KCNAB1: variants seen among roughly 807,000 people sequenced by gnomAD.
KCNAB1 encodes voltage-gated potassium channel subunit beta-1.
In KCNAB1, 35 loss-of-function variants were observed where a neutral mutation model predicts 64.6. The ratio of observed to expected loss-of-function variants is 0.54; its 90% confidence interval spans 0.41 to 0.72. The LOEUF (loss-of-function observed/expected upper bound fraction) is 0.72, where lower values mean the gene tolerates loss of function less well. Ranked by LOEUF, KCNAB1 falls within the 30% of genes least tolerant of loss-of-function variation. The probability of loss-of-function intolerance (pLI) is 0.00; values close to 1 mark genes in which losing one functional copy is unlikely to be tolerated. For synonymous variants in KCNAB1, 177 were observed against 183.8 expected (o/e 0.96, Z 0.30); for missense variants, 401 against 512.9 (o/e 0.78, Z 2.11).
intron 1 of KCNAB1, among the ~76,000 whole-genome samples, chr3:156,310,928 G>GCTC (rs1721857388): frequency 1.3e-5 from 2 of 152,214 alleles, no homozygotes; most frequent in South Asian, 4.1e-4. Context: ...AGCAATTAGG[G>GCTC]CCCAGATGTG....
intron 2 of KCNAB1, among the ~76,000 whole-genome samples, chr3:156,429,880 A>G (rs1048862116): frequency 4.3e-4 from 66 of 152,210 alleles, no homozygotes; most frequent in African/African-American, 1.6e-3. Flanking sequence ...ACTCCGAAAT[A>G]CCCATAGAGT....
At chr3:156,327,418 AT>A (rs1160965018) in intron 1 of KCNAB1, among the ~76,000 whole-genome samples, 2 of 152,126 alleles carry the variant, frequency 1.3e-5, no homozygotes. Context: ...ATTAATTTCT[AT>A]ATGCTAATAT....
intron 1 of KCNAB1, among the ~76,000 whole-genome samples, chr3:156,376,644 T>TA (rs1711696931): frequency 6.6e-6 from 1 of 151,648 alleles, no homozygotes; most frequent in Admixed American, 6.6e-5. Flanking sequence ...GAAAGAAGGG[T>TA]AAAAAAGAGG....
At chr3:156,505,240 A>G (rs1044523230) in intron 8 of KCNAB1, among the ~76,000 whole-genome samples, 12 of 152,114 alleles carry the variant, frequency 7.9e-5, no homozygotes, top group Admixed American at 7.2e-4. Context: ...ATTTATTTCT[A>G]GTCTATTCCA....
At chr3:156,356,051 G>A (rs916064860) in intron 1 of KCNAB1, among the ~76,000 whole-genome samples, 1 of 151,138 alleles carries the variant, frequency 6.6e-6, no homozygotes, top group Non-Finnish European at 1.5e-5. Context: ...TAGCCTGGGA[G>A]GTCGAGGCTA....
At chr3:156,256,296 T>C (rs1325551968) in intron 1 of KCNAB1, among the ~76,000 whole-genome samples, 3 of 152,242 alleles carry the variant, frequency 2.0e-5, no homozygotes, top group African/African-American at 7.2e-5. Flanking sequence ...TCAAACACAA[T>C]GTTGTTCCAC....
At chr3:156,389,102 G>A (rs1032508314) in intron 1 of KCNAB1, among the ~76,000 whole-genome samples, 2 of 152,092 alleles carry the variant, frequency 1.3e-5, no homozygotes, top group African/African-American at 2.4e-5. Context: ...CAAAGTAGTG[G>A]GGTCCGGTGG....
chr3:156,303,880 T>C (rs1721316802), intron 1 of KCNAB1, among the ~76,000 whole-genome samples: 1 of 152,238 alleles, frequency 6.6e-6, no homozygotes, highest in African/African-American at 2.4e-5. Context: ...AAATGTTGGT[T>C]CATGTTGACA....
intron 2 of KCNAB1, among the ~76,000 whole-genome samples, chr3:156,442,288 G>T (rs954180453): frequency 1.1e-4 from 17 of 152,288 alleles, no homozygotes; most frequent in African/African-American, 4.1e-4. Flanking sequence ...ACAGCCTCTA[G>T]AGAGCAATGT....
chr3:156,329,473 C>T (rs548001486), intron 1 of KCNAB1, among the ~76,000 whole-genome samples: 2 of 152,076 alleles, frequency 1.3e-5, no homozygotes, highest in Admixed American at 6.6e-5. Flanking sequence ...CGGGAGAGAA[C>T]CCCCCAACAG....
chr3:156,265,855 G>A (rs1475572856), intron 1 of KCNAB1, among the ~76,000 whole-genome samples: 7 of 152,112 alleles, frequency 4.6e-5, no homozygotes, highest in Non-Finnish European at 8.8e-5. Context: ...AGCTGGGTGT[G>A]GTAGCTCATG....
intron 1 of KCNAB1, among the ~76,000 whole-genome samples, chr3:156,321,194 CA>C (rs1436282380): frequency 6.6e-6 from 1 of 152,100 alleles, no homozygotes; most frequent in Non-Finnish European, 1.5e-5. Flanking sequence ...TTCTTTAGAG[CA>C]AATGTTTCTG....
intron 1 of KCNAB1, among the ~76,000 whole-genome samples, chr3:156,253,997 G>A (rs1003991575): frequency 2.0e-5 from 3 of 152,182 alleles, no homozygotes; most frequent in South Asian, 2.1e-4. Context: ...AGAGACAGAA[G>A]ACAGGTATGT....
At chr3:156,408,029 G>A (rs1714369880) in intron 1 of KCNAB1, among the ~76,000 whole-genome samples, 1 of 152,138 alleles carries the variant, frequency 6.6e-6, no homozygotes, top group Admixed American at 6.5e-5. Context: ...ATCACAGAGA[G>A]ATTGTGGAAG....
chr3:156,529,491 T>TA (rs11445692), intron 12 of KCNAB1, among the ~76,000 whole-genome samples: 67,807 of 145,918 alleles, frequency 0.46, 16,030 homozygotes, highest in East Asian at 0.62. Flanking sequence ...TAAAGTTGGT[T>TA]AAAAAAAAAA....
chr3:156,276,979 G>T (rs754028023), intron 1 of KCNAB1, among the ~76,000 whole-genome samples: 1 of 152,054 alleles, frequency 6.6e-6, no homozygotes, highest in Non-Finnish European at 1.5e-5. Flanking sequence ...GCCTGTCTAG[G>T]CTTTTGACAT....
At chr3:156,194,736 C>A (rs1713785046) in intron 1 of KCNAB1, among the ~76,000 whole-genome samples, 1 of 152,078 alleles carries the variant, frequency 6.6e-6, no homozygotes, top group African/African-American at 2.4e-5. Flanking sequence ...TATCCAACAC[C>A]TCGCTTATGC....
At chr3:156,236,201 C>A (rs1716839899) in intron 1 of KCNAB1, among the ~76,000 whole-genome samples, 1 of 152,290 alleles carries the variant, frequency 6.6e-6, no homozygotes, top group African/African-American at 2.4e-5. Flanking sequence ...GAAAAAGATT[C>A]TTTGTGCTGG....
rs565242618 is a variant in KCNAB1 at position 156,377,679 on chromosome 3, G to T, written c.276-43937G>T. Among the ~76,000 whole-genome samples, 5 of 152,248 alleles carry T rather than the reference G, an allele frequency of 3.3e-5. No individual in the cohort carries two copies. The East Asian group carries it at 9.6e-4, about 29-fold the overall frequency. On this transcript the variant is annotated intron_variant, in intron 1 of 13. Coordinates refer to ENST00000490337, the MANE Select transcript of KCNAB1 (RefSeq NM_172160.3). ...GGAAATGCCTATTGTGAGTTGGAAA[G>T]AGGTCCCATGCAGGAGGTAAATACC... is the stretch of plus-strand genomic sequence containing the variant.
Sources: allele counts gnomAD v4.1 joint callset (sites outside exome capture counted in the v4.1 genomes callset), GRCh38; gene constraint gnomAD v4.1.1; transcripts MANE v1.5; gene names NCBI Gene and HGNC (gene_info 2026-07-23, HGNC 2026-07-21).